The following SATB2 variants were observed in gnomAD, a reference collection of about 807,000 sequenced individuals.
The protein encoded by SATB2 is DNA-binding protein SATB2.
SATB2 carries 1 observed loss-of-function variant against 73.4 expected under a neutral mutation model. The ratio of observed to expected loss-of-function variants is 0.01; its 90% CI spans 0.00 to 0.06. The LOEUF (loss-of-function observed/expected upper bound fraction) is 0.06. Among genes scored for constraint, SATB2 ranks in the 10% least tolerant of loss-of-function variants. The pLI is 1.00. For synonymous variants in SATB2, 397 were observed against 367.0 expected, an observed-to-expected ratio of 1.08 and a Z score of -0.93; for missense variants, 459 against 945.8, an observed-to-expected ratio of 0.49 and a Z score of 6.75.
chr2:199,323,681 G>C, intron 9 of SATB2, 122 bp downstream of exon 9: 1 of 1,116,428 alleles, frequency 9.0e-7, no homozygotes, highest in African/African-American at 1.5e-5. Context: ...GGCAGAACAT[G>C]ACAGGTTTCT....
chr2:199,442,499 C>T (rs1691848570), intron 2 of SATB2, among the ~76,000 whole-genome samples: 1 of 152,170 alleles, frequency 6.6e-6, no homozygotes, highest in Non-Finnish European at 1.5e-5. Context: ...CACTGAAAGA[C>T]TACAGTATCT....
Position 199,315,058 on chromosome 2 carries a change from T to C in SATB2, c.1543-6101A>G, listed in dbSNP as rs191083790. Among the ~76,000 whole-genome samples, 380 of 152,134 alleles carry C rather than the reference T, an allele frequency of 2.5e-3. 4 individuals are homozygous for C. The highest frequency in any genetic ancestry group is 8.5e-3 in the African/African-American group (352 of 41,460). On this transcript the variant is annotated intron_variant, in intron 9 of 10. Coordinates refer to ENST00000417098, the MANE Select transcript of SATB2 (RefSeq NM_001172509.2). Reference sequence around the variant, plus strand: ...ACTGGTAAAGTGCACACTTCATAAGTTCTACCCTCTAGGAGTGTTCATTCT... The same window carrying C: ...ACTGGTAAAGTGCACACTTCATAAGCTCTACCCTCTAGGAGTGTTCATTCT...
Position 199,380,347 on chromosome 2 carries a change from C to T in SATB2, c.597+17G>A. Reference sequence around the variant, plus strand: ...TGGCTTCTTCTGTTTCCCAGACCCCCACCTGAAGATACTGACCTGGGAGAG... The same window carrying T: ...TGGCTTCTTCTGTTTCCCAGACCCCTACCTGAAGATACTGACCTGGGAGAG... On this transcript the variant is annotated intron_variant, in intron 5 of 10. Transcript: ENST00000417098. The T allele has an allele frequency of 6.2e-7, 1 of 1,613,890 alleles. No individual in the cohort carries two copies. The highest frequency in any genetic ancestry group is 8.5e-7 in the Non-Finnish European group (1 of 1,179,796).
chr2:199,430,860 A>C (rs1333379416), intron 3 of SATB2, among the ~76,000 whole-genome samples: 2 of 152,158 alleles, frequency 1.3e-5, no homozygotes, highest in Admixed American at 1.3e-4. Flanking sequence ...TACTCTTCCA[A>C]CTCAATTACT....
intron 3 of SATB2, among the ~76,000 whole-genome samples, chr2:199,391,006 G>A (rs1194382201): frequency 6.6e-6 from 1 of 152,110 alleles, no homozygotes; most frequent in African/African-American, 2.4e-5. Flanking sequence ...CATTTATGTT[G>A]TACATTTTTA....
intron 8 of SATB2, chr2:199,325,502 C>T (rs1404342278): frequency 6.6e-6 from 1 of 152,100 alleles, no homozygotes; most frequent in African/African-American, 2.4e-5. Flanking sequence ...TTGGGACTTT[C>T]CCATTAAAAA....
At chr2:199,300,439 C>A (rs1236078073) in intron 10 of SATB2, among the ~76,000 whole-genome samples, 1 of 150,928 alleles carries the variant, frequency 6.6e-6, no homozygotes, top group African/African-American at 2.4e-5. Context: ...TTTACTCTCA[C>A]CAGAAGGAAA....
chr2:199,272,379 C>T lies in SATB2; in HGVS notation c.2034G>A (p.Glu678=). ...YHVKHHGKLK[E]HLGSAVDVAE... is the part of the protein sequence containing the mutation. The stretch of plus-strand genomic sequence containing the variant: ...CCACGTCCACCGCGGAGCCCAGGTG[C>T]TCTTTCAGCTTCCCGTGGTGCTTCA... The change falls in exon 11 of 11, where the codon GAG becomes GAA. Residue 678 remains glutamate, a synonymous_variant. Coordinates refer to ENST00000417098, the MANE Select transcript of SATB2 (RefSeq NM_001172509.2). The surrounding 1 kb of genome is among the most constrained non-coding windows in gnomAD (Gnocchi z 6.7). The T allele has an allele frequency of 1.2e-6, 2 of 1,614,218 alleles. No homozygotes were observed. The highest frequency in any genetic ancestry group is 1.7e-6 in the Non-Finnish European group (2 of 1,180,044).
chr2:199,391,283 A>C (rs1199291201), intron 3 of SATB2, among the ~76,000 whole-genome samples: 1 of 152,048 alleles, frequency 6.6e-6, no homozygotes, highest in African/African-American at 2.4e-5. Flanking sequence ...AATACAAAAA[A>C]TTAGCCAGGT....
At chr2:199,334,801 G>A (rs536243891) in intron 7 of SATB2, among the ~76,000 whole-genome samples, 3 of 152,190 alleles carry the variant, frequency 2.0e-5, no homozygotes, top group Non-Finnish European at 4.4e-5. Context: ...GGTTAAATCA[G>A]CGACATGGCT....
intron 3 of SATB2, among the ~76,000 whole-genome samples, chr2:199,420,332 T>G (rs554133769): frequency 1.3e-5 from 2 of 152,310 alleles, no homozygotes; most frequent in East Asian, 3.9e-4. Context: ...ACAATACCCA[T>G]ACCACTCCTT....
chr2:199,412,228 G>A (rs1690841934), intron 3 of SATB2, among the ~76,000 whole-genome samples: 1 of 152,172 alleles, frequency 6.6e-6, no homozygotes, highest in African/African-American at 2.4e-5. Flanking sequence ...ATTTAACAAG[G>A]AGGATATAAA....
chr2:199,351,102 T>TTTAC (rs938098086), intron 6 of SATB2, among the ~76,000 whole-genome samples: 4 of 150,486 alleles, frequency 2.7e-5, no homozygotes, highest in Admixed American at 2.7e-4. Context: ...AAGTCAAGAG[T>TTTAC]TTACTTCCAA....
upstream of SATB2, among the ~76,000 whole-genome samples, chr2:199,467,113 C>T (rs1394323998): frequency 6.6e-6 from 1 of 152,270 alleles, no homozygotes; most frequent in South Asian, 2.1e-4. Flanking sequence ...AGAACTGGCA[C>T]CCCCTGCTCC....
At chr2:199,289,647 T>C (rs1185351919) in intron 10 of SATB2, among the ~76,000 whole-genome samples, 2 of 152,206 alleles carry the variant, frequency 1.3e-5, no homozygotes, top group African/African-American at 4.8e-5. Flanking sequence ...TTTAATTTAA[T>C]AGCTGAGAAC....
Position 199,326,198 on chromosome 2 carries a change from T to C in SATB2, c.1387-2240A>G, listed in dbSNP as rs1688024227. The C allele has an allele frequency of 2.6e-5, 4 of 152,178 alleles. No homozygotes were observed. The South Asian group carries it at 8.3e-4, about 31-fold the overall frequency. The allele number at this position is 152,178 out of a possible 1,614,324, so 9.4% of individuals were successfully genotyped here. ...GTAAAGAATTTTAAGTCAGTAATCATGAAATGTTTTAAAAGACTTTAATAA... is the reference window on the plus strand; with the variant it reads ...GTAAAGAATTTTAAGTCAGTAATCACGAAATGTTTTAAAAGACTTTAATAA... On this transcript the variant is annotated intron_variant, in intron 8 of 10. Transcript: ENST00000417098.
intron 10 of SATB2, among the ~76,000 whole-genome samples, chr2:199,292,371 A>G (rs1238536376): frequency 6.6e-6 from 1 of 152,208 alleles, no homozygotes; most frequent in Non-Finnish European, 1.5e-5. Flanking sequence ...TATTAATACT[A>G]GACTGCTATG....
At chr2:199,399,050 C>T (rs1329039954) in intron 3 of SATB2, among the ~76,000 whole-genome samples, 2 of 152,104 alleles carry the variant, frequency 1.3e-5, no homozygotes, top group African/African-American at 2.4e-5. Context: ...GTGGGCAGGT[C>T]GCTTAAGCTC....
intron 10 of SATB2, among the ~76,000 whole-genome samples, chr2:199,287,111 G>T (rs1376244556): frequency 6.6e-6 from 1 of 152,146 alleles, no homozygotes; most frequent in Non-Finnish European, 1.5e-5. Context: ...CCCTCAGAAT[G>T]CTTAAATAGT....
Sources: allele counts gnomAD v4.1 joint callset (sites outside exome capture counted in the v4.1 genomes callset), GRCh38; gene constraint gnomAD v4.1.1; non-coding constraint Gnocchi (gnomAD v3.1); transcripts MANE v1.5; gene names NCBI Gene and HGNC (gene_info 2026-07-23, HGNC 2026-07-21).